The following PRKN variants were observed in gnomAD, a reference collection of about 807,000 sequenced individuals.
The protein encoded by PRKN is E3 ubiquitin-protein ligase parkin.
PRKN carries 56 observed loss-of-function variants against 59.5 expected under a neutral mutation model. That is an observed-to-expected ratio of 0.94 (90% CI 0.76 to 1.18). PRKN has a LOEUF of 1.18. Among genes scored for constraint, PRKN ranks in the 50% most tolerant of loss-of-function variants. The pLI is 0.00. For missense variants in PRKN, 657 were observed against 596.4 expected (o/e 1.10, Z -1.06); for synonymous variants, 250 against 222.1 (o/e 1.13, Z -1.12).
intron 6 of PRKN, among the ~76,000 whole-genome samples, chr6:161,787,672 C>T (rs527614910): frequency 6.6e-6 from 1 of 152,190 alleles, no homozygotes; most frequent in Non-Finnish European, 1.5e-5. Flanking sequence ...AGAGGCCAGG[C>T]GTGGTGGCTC....
In PRKN at chr6:161,609,374, GT is replaced by G. The variant is rs1035061027; in HGVS notation, c.872-39959del. On this transcript the variant is annotated intron_variant, in intron 7 of 11. Coordinates refer to ENST00000366898, the MANE Select transcript of PRKN (RefSeq NM_004562.3). ...AAGTCTTTCAGAGTTCATTAACAGT[GT>G]TTTTTTATTTTTTCTTGATGATGAA... Among the ~76,000 whole-genome samples, 4 of 152,094 alleles carry G rather than the reference GT, an allele frequency of 2.6e-5. No homozygotes were observed. In the South Asian group the frequency reaches 6.2e-4, roughly 24 times the overall value.
In PRKN at chr6:161,496,855, T is replaced by C. The variant is rs143873342; in HGVS notation, c.1083+51999A>G. ...GAGTGACACAGCCACAAGCCAAGGA[T>C]TGCTGGCAAACACCAGAAGCCAGAA... On this transcript the variant is annotated intron_variant, in intron 9 of 11. Coordinates refer to ENST00000366898, the MANE Select transcript of PRKN (RefSeq NM_004562.3). Among the ~76,000 whole-genome samples, 472 of 152,252 alleles carry C rather than the reference T, an allele frequency of 3.1e-3. 3 individuals are homozygous for C. Among genetic ancestry groups the C allele is most frequent in the African/African-American group, 0.01 (433 of 41,550 alleles).
chr6:161,693,838 A>T lies in PRKN; in HGVS notation c.871+91934T>A, dbSNP rs1225252437. The stretch of plus-strand genomic sequence containing the variant: ...GTTTCAAATGGATAAATATTAGTCT[A>T]ATGTGCTCAATCAATGCAGAGAAAT... On this transcript the variant is annotated intron_variant, in intron 7 of 11. Coordinates refer to ENST00000366898, the MANE Select transcript of PRKN (RefSeq NM_004562.3). Among the ~76,000 whole-genome samples, 105 of 152,226 alleles carry T rather than the reference A, an allele frequency of 6.9e-4. 1 individual carries two copies. The highest frequency in any genetic ancestry group is 1.5e-5 in the Non-Finnish European group (1 of 68,036).
At chr6:161,885,592 G>A (rs1402027005) in intron 6 of PRKN, among the ~76,000 whole-genome samples, 1 of 151,340 alleles carries the variant, frequency 6.6e-6, no homozygotes, top group African/African-American at 2.4e-5. Flanking sequence ...GTGAACCCGG[G>A]AGGCGGAGCT....
At chr6:161,670,949 TG>T (rs1405768529) in intron 7 of PRKN, among the ~76,000 whole-genome samples, 4 of 152,232 alleles carry the variant, frequency 2.6e-5, no homozygotes, top group African/African-American at 9.6e-5. Flanking sequence ...TCATGGGTGT[TG>T]GGGATTAGCA....
At chr6:161,901,235 C>G (rs968566579) in intron 6 of PRKN, among the ~76,000 whole-genome samples, 1 of 151,820 alleles carries the variant, frequency 6.6e-6, no homozygotes, top group Non-Finnish European at 1.5e-5. Flanking sequence ...CGCGTCCAGC[C>G]AATAATCAAT....
intron 3 of PRKN, among the ~76,000 whole-genome samples, chr6:162,216,559 A>AG (rs1562588032): frequency 6.6e-6 from 1 of 151,028 alleles, no homozygotes; most frequent in Admixed American, 6.6e-5. Flanking sequence ...AAAAAAAAAA[A>AG]AAAAACCCAG....
chr6:161,481,331 G>A (rs1033122296), intron 9 of PRKN, among the ~76,000 whole-genome samples: 3 of 152,106 alleles, frequency 2.0e-5, no homozygotes, highest in African/African-American at 4.8e-5. Context: ...TTGGCTGGGC[G>A]CGTTGGCTCA....
intron 7 of PRKN, among the ~76,000 whole-genome samples, chr6:161,630,834 A>G (rs1009522591): frequency 2.0e-5 from 3 of 152,246 alleles, no homozygotes; most frequent in Admixed American, 1.3e-4. Flanking sequence ...AAGACCACAC[A>G]GTGACAGTCA....
At chr6:162,248,746 T>C (rs1185583102) in intron 3 of PRKN, among the ~76,000 whole-genome samples, 1 of 152,130 alleles carries the variant, frequency 6.6e-6, no homozygotes, top group Admixed American at 6.6e-5. Context: ...ACAAATGAAC[T>C]GATGAGTTAA....
intron 7 of PRKN, among the ~76,000 whole-genome samples, chr6:161,705,086 A>T (rs1309260322): frequency 6.6e-6 from 1 of 152,200 alleles, no homozygotes; most frequent in African/African-American, 2.4e-5. Context: ...GGAGTCATGC[A>T]TCCCCTTATC....
chr6:162,210,352 C>T (rs1785154506), intron 3 of PRKN, among the ~76,000 whole-genome samples: 1 of 152,072 alleles, frequency 6.6e-6, no homozygotes, highest in Non-Finnish European at 1.5e-5. Flanking sequence ...ACAATGTCTG[C>T]TATACATGGA....
At chr6:162,301,093 T>C (rs1032918442) in intron 2 of PRKN, among the ~76,000 whole-genome samples, 2 of 152,080 alleles carry the variant, frequency 1.3e-5, no homozygotes, top group Non-Finnish European at 2.9e-5. Flanking sequence ...CGTTTAATTG[T>C]ATACACATAT....
chr6:162,041,433 G>A (rs1056909755), intron 5 of PRKN, among the ~76,000 whole-genome samples: 1 of 152,188 alleles, frequency 6.6e-6, no homozygotes, highest in Non-Finnish European at 1.5e-5. Context: ...GATGGAGAGA[G>A]TAAAGACATT....
At chr6:162,719,121 A>G (rs1337585099) in intron 1 of PRKN, among the ~76,000 whole-genome samples, 3 of 152,240 alleles carry the variant, frequency 2.0e-5, no homozygotes, top group Non-Finnish European at 4.4e-5. Flanking sequence ...TCTCTGTATC[A>G]TATGATTATG....
chr6:162,222,738 A>C (rs1349183492), intron 3 of PRKN, among the ~76,000 whole-genome samples: 1 of 152,144 alleles, frequency 6.6e-6, no homozygotes, highest in Non-Finnish European at 1.5e-5. Context: ...TGAGATCATA[A>C]ATGGGTGTCG....
intron 2 of PRKN, among the ~76,000 whole-genome samples, chr6:162,346,453 CAAAA>C (rs1554302783): frequency 2.0e-5 from 1 of 50,656 alleles, no homozygotes; most frequent in Non-Finnish European, 4.4e-5. Flanking sequence ...TCTGTCTCTA[CAAAA>C]AAAAAAAAAA....
At chr6:162,295,333 A>G (rs1274074857) in intron 2 of PRKN, among the ~76,000 whole-genome samples, 1 of 152,182 alleles carries the variant, frequency 6.6e-6, no homozygotes, top group Non-Finnish European at 1.5e-5. Flanking sequence ...CTGGGGTTTG[A>G]CAGAATTTTA....
intron 9 of PRKN, among the ~76,000 whole-genome samples, chr6:161,521,999 C>A (rs2115360523): frequency 6.6e-6 from 1 of 152,210 alleles, no homozygotes; most frequent in East Asian, 1.9e-4. Flanking sequence ...TAGTTTCATT[C>A]CAGAGAAAGC....
Sources: allele counts gnomAD v4.1 joint callset (sites outside exome capture counted in the v4.1 genomes callset), GRCh38; gene constraint gnomAD v4.1.1; transcripts MANE v1.5; gene names NCBI Gene and HGNC (gene_info 2026-07-23, HGNC 2026-07-21).